The following LARGE1 variants were observed in gnomAD, a reference collection of about 807,000 sequenced individuals.
LARGE1 encodes LARGE xylosyl- and glucuronyltransferase 1, also known as xylosyl- and glucuronyltransferase LARGE1.
In LARGE1, 43 loss-of-function variants were observed where a neutral mutation model predicts 87.6. That is an observed-to-expected ratio of 0.49 (90% CI 0.38 to 0.63). LARGE1 has a LOEUF of 0.63. LARGE1 is among the 30% of genes least tolerant of loss of function. The pLI, the probability that LARGE1 is intolerant of heterozygous loss-of-function variation, is 0.00. For missense variants in LARGE1, 802 were observed against 1,000.2 expected (o/e 0.80, Z 2.67); for synonymous variants, 434 against 394.6 (o/e 1.10, Z -1.18).
At chr22:33,248,082 C>T (rs1387094282) in intron 11 of LARGE1, among the ~76,000 whole-genome samples, 1 of 152,128 alleles carries the variant, frequency 6.6e-6, no homozygotes, top group East Asian at 1.9e-4. Context: ...CTGATTTCTT[C>T]TTTTTTCAAG....
intron 7 of LARGE1, among the ~76,000 whole-genome samples, chr22:33,416,689 C>T (rs1429123759): frequency 6.6e-6 from 1 of 152,038 alleles, no homozygotes; most frequent in African/African-American, 2.4e-5. Flanking sequence ...CTGCAACCTC[C>T]AACTCCTGGG....
chr22:33,363,525 C>T (rs2064463730), intron 9 of LARGE1, among the ~76,000 whole-genome samples: 1 of 149,512 alleles, frequency 6.7e-6, no homozygotes, highest in Non-Finnish European at 1.5e-5. Flanking sequence ...GTAACTCCCA[C>T]TGGGTTCCTC....
chr22:33,620,115 G>C (rs534564754), intron 4 of LARGE1, among the ~76,000 whole-genome samples: 1 of 152,234 alleles, frequency 6.6e-6, no homozygotes, highest in African/African-American at 2.4e-5. Flanking sequence ...GGCAGATACT[G>C]GTCACGAATA....
At chr22:33,136,734 C>T in the LARGE1 span, among the ~76,000 whole-genome samples, 2 of 152,006 alleles carry the variant, frequency 1.3e-5, no homozygotes, top group African/African-American at 4.8e-5. Context: ...AGTTTCATGA[C>T]CATTTAGGTC....
chr22:33,124,011 C>T, the LARGE1 span, among the ~76,000 whole-genome samples: 1 of 152,206 alleles, frequency 6.6e-6, no homozygotes, highest in Non-Finnish European at 1.5e-5. Context: ...TCTGGCCAGG[C>T]ACGATGGCTC....
intron 6 of LARGE1, among the ~76,000 whole-genome samples, chr22:33,452,297 G>A (rs1002060536): frequency 6.6e-6 from 1 of 152,218 alleles, no homozygotes; most frequent in African/African-American, 2.4e-5. Context: ...GGTGCAGGGT[G>A]AAGGACGGGT....
chr22:33,717,914 G>A (rs1383513741), intron 2 of LARGE1, among the ~76,000 whole-genome samples: 1 of 152,124 alleles, frequency 6.6e-6, no homozygotes, highest in Non-Finnish European at 1.5e-5. Context: ...CACCACTCAT[G>A]TCACCCCTGA....
rs138084155 is a variant in LARGE1, at chr22:33,628,230, C to A, written c.409-1904G>T. 4.4e-3 allele frequency among the ~76,000 whole-genome samples: 668 copies of A among 152,064 alleles called. 2 individuals carry two copies. The highest frequency in any genetic ancestry group is 7.4e-3 in the Non-Finnish European group (503 of 68,004). ...ATTTCAGGCTCAAAGTTGTATGAGA[C>A]AGGTACAGTATTATCATTTTAGTAT... On this transcript the variant is annotated intron_variant, in intron 3 of 14. Coordinates refer to ENST00000397394, the MANE Select transcript of LARGE1 (RefSeq NM_133642.5).
At chr22:33,899,353 T>G (rs1294230721) in intron 1 of LARGE1, among the ~76,000 whole-genome samples, 1 of 152,198 alleles carries the variant, frequency 6.6e-6, no homozygotes, top group African/African-American at 2.4e-5. Flanking sequence ...CAAAGCCTGT[T>G]GAGCGGCCTC....
intron 6 of LARGE1, among the ~76,000 whole-genome samples, chr22:33,450,279 G>A (rs903199249): frequency 6.6e-6 from 1 of 151,986 alleles, no homozygotes; most frequent in African/African-American, 2.4e-5. Flanking sequence ...GCAAGGGCCT[G>A]TAGGATATTT....
chr22:33,557,566 T>C (rs911274313), intron 6 of LARGE1, among the ~76,000 whole-genome samples: 6 of 152,032 alleles, frequency 3.9e-5, no homozygotes, highest in African/African-American at 1.4e-4. Flanking sequence ...GCAGGAGAAC[T>C]TTTTATTTAT....
At chr22:33,179,242 C>G (rs1923038155) in intron 11 of LARGE1, among the ~76,000 whole-genome samples, 1 of 152,146 alleles carries the variant, frequency 6.6e-6, no homozygotes. Context: ...GCTATGGGGG[C>G]AAAAGCTGTG....
the LARGE1 span, among the ~76,000 whole-genome samples, chr22:33,119,148 C>G: frequency 6.6e-6 from 1 of 152,110 alleles, no homozygotes; most frequent in Non-Finnish European, 1.5e-5. Flanking sequence ...GCTTTTTCTA[C>G]CTTCCCAGAG....
intron 1 of LARGE1, among the ~76,000 whole-genome samples, chr22:33,802,818 C>T (rs2086199926): frequency 6.6e-6 from 1 of 152,096 alleles, no homozygotes. Flanking sequence ...TAGTCATCTC[C>T]CACCCAACCA....
chr22:33,511,564 C>T (rs767041595), intron 6 of LARGE1, among the ~76,000 whole-genome samples: 48 of 152,112 alleles, frequency 3.2e-4, no homozygotes, highest in Admixed American at 1.3e-4. Flanking sequence ...TGGACCCTTC[C>T]TCTACCCCAG....
At chr22:33,506,040 CA>C (rs951155830) in intron 6 of LARGE1, among the ~76,000 whole-genome samples, 5 of 152,052 alleles carry the variant, frequency 3.3e-5, no homozygotes, top group African/African-American at 4.8e-5. Flanking sequence ...TTACAACTGC[CA>C]CTCAATTAGG....
At chr22:33,229,367 A>ATG (rs887762221) in intron 11 of LARGE1, among the ~76,000 whole-genome samples, 1 of 152,106 alleles carries the variant, frequency 6.6e-6, no homozygotes, top group Non-Finnish European at 1.5e-5. Context: ...AATTATTTAT[A>ATG]TGTGTGTGTG....
rs867621299 is a variant in LARGE1 at position 33,882,045 on chromosome 22, G to T, written c.-83+37950C>A. Among the ~76,000 whole-genome samples, 1,037 of 130,752 alleles carry T rather than the reference G, an allele frequency of 7.9e-3. 14 individuals are homozygous for T. The highest frequency in any genetic ancestry group is 0.032 in the African/African-American group (972 of 30,432). The allele number at this position is 130,752 out of a possible 152,430, so 85.8% of individuals were successfully genotyped here. ...GGTTTTTTTGTTTTTGTTTTTTTTT[G>T]TTTTTTTTTTTTTTTGAGACGGAGT... On this transcript the variant is annotated intron_variant, in intron 1 of 14. Transcript: ENST00000397394.
chr22:33,613,230 G>A (rs927153408), intron 4 of LARGE1, among the ~76,000 whole-genome samples: 3 of 152,158 alleles, frequency 2.0e-5, no homozygotes, highest in Non-Finnish European at 4.4e-5. Context: ...TTCCATTAAT[G>A]TTCCACTTTG....
Sources: allele counts gnomAD v4.1 joint callset (sites outside exome capture counted in the v4.1 genomes callset), GRCh38; gene constraint gnomAD v4.1.1; transcripts MANE v1.5; gene names NCBI Gene and HGNC (gene_info 2026-07-23, HGNC 2026-07-21).